Variants in PAX2 observed in about 807,000 individuals in gnomAD.
The protein encoded by PAX2 is paired box protein Pax-2.
In PAX2, 9 loss-of-function variants were observed where a neutral mutation model predicts 41.7. That is an observed-to-expected ratio of 0.22 (90% CI 0.13 to 0.38). The LOEUF (loss-of-function observed/expected upper bound fraction) is 0.38. Ranked by LOEUF, PAX2 falls within the 10% of genes least tolerant of loss-of-function variation. PAX2 has a pLI of 1.00. For missense variants in PAX2, 418 were observed against 531.6 expected, an observed-to-expected ratio of 0.79 and a Z score of 2.10; for synonymous variants, 221 against 212.7, an observed-to-expected ratio of 1.04 and a Z score of -0.34.
rs554312006 is a variant in PAX2, at chr10:100,784,028, T to A, written c.616+2663T>A. On this transcript the variant is annotated intron_variant, in intron 5 of 9. Transcript: ENST00000355243. The stretch of plus-strand genomic sequence containing the variant: ...CCCTGACCTCCCCCTCCAATCCTGA[T>A]CCACCAGCCCCTGGTGGGAAGGGAG... 7.9e-5 allele frequency among the ~76,000 whole-genome samples: 12 copies of A among 152,186 alleles called. No homozygotes were observed. The East Asian group carries it at 2.1e-3, about 27-fold the overall frequency.
At chr10:100,796,745 C>T (rs561736857) in intron 5 of PAX2, among the ~76,000 whole-genome samples, 1 of 152,338 alleles carries the variant, frequency 6.6e-6, no homozygotes, top group African/African-American at 2.4e-5. Context: ...CAACTCTAGA[C>T]ATGCTTGCTT....
At chr10:100,742,254 G>A (rs1248672432), upstream of PAX2, among the ~76,000 whole-genome samples, 2 of 152,240 alleles carry the variant, frequency 1.3e-5, no homozygotes, top group African/African-American at 2.4e-5. Context: ...GTCTACACCG[G>A]CACTTCACTT....
At chr10:100,780,761 TG>T (rs1165600949) in intron 4 of PAX2, among the ~76,000 whole-genome samples, 28 of 152,202 alleles carry the variant, frequency 1.8e-4, no homozygotes, top group African/African-American at 6.0e-4. Flanking sequence ...AAATCAGGAT[TG>T]GTAAAGACTC....
At chr10:100,792,111 T>C (rs1031548191) in intron 5 of PAX2, among the ~76,000 whole-genome samples, 1 of 152,224 alleles carries the variant, frequency 6.6e-6, no homozygotes, top group Non-Finnish European at 1.5e-5. Context: ...TTGGAGTCTT[T>C]TAAGGAGAAA....
chr10:100,816,005 A>C (rs914858799), intron 7 of PAX2, among the ~76,000 whole-genome samples: 13 of 152,086 alleles, frequency 8.5e-5, no homozygotes, highest in Non-Finnish European at 1.5e-5. Context: ...GCTGAGCTCA[A>C]ATTTGGCCCT....
At chr10:100,789,832 A>G (rs1256191974) in intron 5 of PAX2, among the ~76,000 whole-genome samples, 1 of 152,128 alleles carries the variant, frequency 6.6e-6, no homozygotes, top group East Asian at 1.9e-4. Flanking sequence ...TTTTAGCCAA[A>G]CTCTCTGGGT....
At chr10:100,749,418 C>T (rs1004572669) in intron 1 of PAX2, 27 of 1,168,742 alleles carry the variant, frequency 2.3e-5, no homozygotes, top group Non-Finnish European at 2.6e-5. Flanking sequence ...ACGCCCTTTC[C>T]GCTGGCATGA....
chr10:100,818,591 G>A (rs1278579584), intron 7 of PAX2, among the ~76,000 whole-genome samples: 1 of 152,164 alleles, frequency 6.6e-6, no homozygotes, highest in Non-Finnish European at 1.5e-5. Flanking sequence ...GATATACAAT[G>A]TCCATAACAT....
intron 3 of PAX2, among the ~76,000 whole-genome samples, chr10:100,762,813 T>C (rs538258946): frequency 6.6e-6 from 1 of 152,160 alleles, no homozygotes; most frequent in Non-Finnish European, 1.5e-5. Flanking sequence ...TGACAATACA[T>C]AGAGATGCTA....
rs1014584420 is a variant in PAX2, at chr10:100,749,431, T to TC, written c.44-311dup. 5 of 1,206,304 alleles carry TC rather than the reference T, an allele frequency of 4.1e-6. No individual in the cohort carries two copies. In the African/African-American group the frequency reaches 7.8e-5, roughly 19 times the overall value. 74.7% of individuals were successfully genotyped at this position (1,206,304 alleles called of 1,614,324 possible). The stretch of plus-strand genomic sequence containing the variant: ...TTACGCCCTTTCCGCTGGCATGAAT[T>TC]CCCCTTTGGCATTTTCTCCCCTCTC... On this transcript the variant is annotated intron_variant, in intron 1 of 9. Coordinates refer to ENST00000355243, the MANE Select transcript of PAX2 (RefSeq NM_000278.5).
intron 8 of PAX2, among the ~76,000 whole-genome samples, chr10:100,825,912 A>G (rs1409294837): frequency 5.6e-5 from 7 of 125,716 alleles, no homozygotes; most frequent in Non-Finnish European, 1.1e-4. Flanking sequence ...AGCAGTGAGC[A>G]GGTGGGGGCT....
chr10:100,788,881 C>T (rs557722223), intron 5 of PAX2, among the ~76,000 whole-genome samples: 2 of 152,054 alleles, frequency 1.3e-5, no homozygotes, highest in African/African-American at 4.8e-5. Context: ...CCCCCCGACA[C>T]ACATACATGC....
intron 3 of PAX2, among the ~76,000 whole-genome samples, chr10:100,755,609 G>A (rs887512009): frequency 2.0e-5 from 3 of 152,152 alleles, no homozygotes; most frequent in African/African-American, 7.2e-5. Flanking sequence ...TCATGGCCTG[G>A]GCAAAGGAGG....
intron 7 of PAX2, among the ~76,000 whole-genome samples, chr10:100,814,669 C>T (rs939128138): frequency 6.6e-6 from 1 of 152,238 alleles, no homozygotes; most frequent in East Asian, 1.9e-4. Context: ...GAGATGGGCA[C>T]AGTACCTTTC....
chr10:100,817,207 T>C (rs2133971281), intron 7 of PAX2, among the ~76,000 whole-genome samples: 1 of 152,296 alleles, frequency 6.6e-6, no homozygotes. Flanking sequence ...GACGTTGCCT[T>C]CTGGAAAGAG....
At chr10:100,769,841 G>A (rs1471860309) in intron 3 of PAX2, among the ~76,000 whole-genome samples, 1 of 152,112 alleles carries the variant, frequency 6.6e-6, no homozygotes, top group African/African-American at 2.4e-5. Flanking sequence ...CCTTCTCAGA[G>A]CTTGGAGGGG....
chr10:100,735,745 A>G, intron 1 of PAX2: 1 of 1,038,952 alleles, frequency 9.6e-7, no homozygotes, highest in Non-Finnish European at 1.2e-6. Context: ...TAAGAGCGGC[A>G]GAGACCCGTC....
At chr10:100,775,676 G>A (rs2133886577) in intron 3 of PAX2, among the ~76,000 whole-genome samples, 1 of 152,288 alleles carries the variant, frequency 6.6e-6, no homozygotes, top group Non-Finnish European at 1.5e-5. Context: ...CACCCCTGGG[G>A]TTCCCTTAGT....
At chr10:100,735,686 G>A in exon 1 of PAX2, 7 of 1,056,682 alleles carry the variant, frequency 6.6e-6, no homozygotes, top group Non-Finnish European at 8.0e-6. Context: ...GCCCCAGGAC[G>A]CGGCGGCCGC....
Sources: allele counts gnomAD v4.1 joint callset (sites outside exome capture counted in the v4.1 genomes callset), GRCh38; gene constraint gnomAD v4.1.1; transcripts MANE v1.5; gene names NCBI Gene and HGNC (gene_info 2026-07-23, HGNC 2026-07-21).